The following ITGA2B variants were observed in gnomAD, a reference collection of about 807,000 sequenced individuals.
ITGA2B encodes the protein integrin subunit alpha 2b, also known as integrin alpha-IIb.
A neutral mutation model predicts 142.0 loss-of-function variants in ITGA2B; 91 were observed. The ratio of observed to expected loss-of-function variants is 0.64; its 90% CI spans 0.54 to 0.76. ITGA2B has a LOEUF of 0.76. ITGA2B is among the 30% of genes least tolerant of loss of function. The pLI is 0.00. For missense variants in ITGA2B, 1,231 were observed against 1,350.8 expected (o/e 0.91, Z 1.39); for synonymous variants, 536 against 567.2 (o/e 0.94, Z 0.78).
chr17:44,376,332 G>T lies in ITGA2B; in HGVS notation c.2324C>A (p.Ala775Glu). 1.9e-6 allele frequency: 3 copies of T among 1,614,188 alleles called. No individual in the cohort carries two copies. Among genetic ancestry groups the T allele is most frequent in the Non-Finnish European group, 1.7e-6 (2 of 1,180,042 alleles). ...CCCTCGCAGCTCCACTTGGGCCTCT[G>T]CCCGGACCGGCACGTCCAGCAGCAC... The part of the protein sequence containing the change: ...KIVLLDVPVR[A>E]EAQVELRGNS... The change falls in exon 23 of 30, where the codon GCA (alanine) becomes GAA (glutamate). Residue 775 changes from alanine to glutamate, a missense_variant. Ala to Glu is a moderately radical substitution (Grantham distance 107, BLOSUM62 -1). Transcript: ENST00000262407.
In ITGA2B at chr17:44,378,497, C is replaced by T. The variant is rs13306472; in HGVS notation, c.1959G>A (p.Pro653=). ...LQLTASVTGS[P]LLVGADNVLE... ...GGACATTATCTGCCCCAACTAGGAG[C>T]GGGGAGCCCGTCCTGTGGGGAAAGA... The change falls in exon 20 of 30, where the codon CCG becomes CCA. Residue 653 remains proline, a synonymous_variant. Coordinates refer to ENST00000262407, the MANE Select transcript of ITGA2B (RefSeq NM_000419.5). The T allele has an allele frequency of 2.4e-5, 39 of 1,613,566 alleles. No homozygotes were observed. The East Asian group carries it at 7.4e-4, about 30-fold the overall frequency.
rs1346781695 is a variant in ITGA2B at position 44,389,222 on chromosome 17, C to A, written c.188+64G>T. ...ATCGCAAATGGGAAACTCGAAGCCC[C>A]CAGAAGCAGTGATGGGGAGGGGTCC... On this transcript the variant is annotated intron_variant, in intron 1 of 29. Transcript: ENST00000262407. The A allele has an allele frequency of 8.9e-6, 14 of 1,572,362 alleles. No individual in the cohort carries two copies. The African/African-American group carries it at 1.6e-4, about 18-fold the overall frequency.
At chr17:44,375,322 C>T in intron 26 of ITGA2B, 1 of 643,778 alleles carries the variant, frequency 1.6e-6, no homozygotes, top group Non-Finnish European at 2.8e-6. Context: ...GGTCATCCCC[C>T]AGCGCACAAT....
chr17:44,385,207 G>C lies in ITGA2B; in HGVS notation c.627C>G (p.Ala209=), dbSNP rs753520317. The C allele has an allele frequency of 1.2e-6, 2 of 1,614,032 alleles. No individual in the cohort carries two copies. Among genetic ancestry groups the C allele is most frequent in the East Asian group, 2.2e-5 (1 of 44,876 alleles). ...EAGFSSVVTQ[A]GELVLGAPGG... is the part of the protein sequence containing the mutation. ...CAGGAGCCCCAAGCACCAGCTCTCC[G>C]GCCTGGAAGGGAAGTCCTGAGGGTG... is the stretch of plus-strand genomic sequence containing the variant. Residue 209 remains alanine (A), a splice_region_variant and synonymous_variant, in exon 6 of 30, where the codon GCC becomes GCG. Transcript: ENST00000262407.
intron 29 of ITGA2B, among the ~76,000 whole-genome samples, 177 bp from the exon 30 acceptor site, chr17:44,372,600 TGG>T (rs2048506913): frequency 6.6e-6 from 1 of 152,196 alleles, no homozygotes; most frequent in South Asian, 2.1e-4. Flanking sequence ...AACGAATTGT[TGG>T]GTTTTTGTTT....
rs2143417444 is a variant in ITGA2B, at chr17:44,372,391, CA to C, written c.3092del (p.Leu1031ArgfsTer?). 1.2e-6 allele frequency: 2 copies of C among 1,614,044 alleles called. No homozygotes were observed. The highest frequency in any genetic ancestry group is 2.2e-5 in the South Asian group (2 of 91,078). ...ACTCCCCCTCTTCATCATCTTCTTC[CA>C]GGGGTGGCCGGTTCCGCTTGAAGAA... ...VGFFKRNRPP[L>X]EEDDEEGE On this transcript the variant is annotated frameshift_variant, in exon 30 of 30. Transcript: ENST00000262407. LOFTEE classifies it high-confidence loss of function.
At chr17:44,383,974 C>T (rs369299604) in intron 10 of ITGA2B, 28 bp from the exon 11 acceptor site, 4 of 1,614,060 alleles carry the variant, frequency 2.5e-6, no homozygotes, top group Non-Finnish European at 2.5e-6. Flanking sequence ...CCATCATTCA[C>T]GCCGCTGGAC....
rs1459485874 is a variant in ITGA2B at position 44,374,337 on chromosome 17, C to T, written c.3060+17G>A. The T allele has an allele frequency of 6.8e-6, 11 of 1,609,028 alleles. 1 individual carries two copies. Among genetic ancestry groups the T allele is most frequent in the Middle Eastern group, 1.6e-4 (1 of 6,068 alleles). ...GCCTGTGCCCCGCTGGGGACTCCAC[C>T]GTCCTTCACACCTCACCTTCCACAT... On this transcript the variant is annotated intron_variant, in intron 29 of 29. Coordinates refer to ENST00000262407, the MANE Select transcript of ITGA2B (RefSeq NM_000419.5).
rs2048643952 is a variant in ITGA2B at position 44,385,857 on chromosome 17, C to T, written c.375G>A (p.Gly125=). 1 of 1,605,902 alleles carries T rather than the reference C, an allele frequency of 6.2e-7. No homozygotes were observed. The highest frequency in any genetic ancestry group is 8.5e-7 in the Non-Finnish European group (1 of 1,175,760). The change falls in exon 3 of 30, where the codon GGG becomes GGA. Residue 125 remains glycine, a synonymous_variant. Coordinates refer to ENST00000262407, the MANE Select transcript of ITGA2B (RefSeq NM_000419.5). ...CGTCGCTCCAGCTGACGACCGACGC[C>T]CCCAGTCCTTGGCGGGCCTTGAAGG... is the stretch of plus-strand genomic sequence containing the variant. The part of the protein sequence containing the change: ...LQTFKARQGL[G]ASVVSWSDVI...
Position 44,385,908 on chromosome 17 carries a change from T to G in ITGA2B, c.324A>C (p.Arg108=), listed in dbSNP as rs1247859694. 1 of 1,612,752 alleles carries G rather than the reference T, an allele frequency of 6.2e-7. No homozygotes were observed. Among genetic ancestry groups the G allele is most frequent in the Non-Finnish European group, 8.5e-7 (1 of 1,179,420 alleles). ...TTTGTAAAGTTTGGGAGCCTACATT[T>G]CGGGTCTCATCACCTGGAAGGCACA... ...SLLFDLRDET[R]NVGSQTLQTF... The change falls in exon 3 of 30, where the codon CGA becomes CGC. Residue 108 remains arginine (R), a synonymous_variant. Coordinates refer to ENST00000262407, the MANE Select transcript of ITGA2B (RefSeq NM_000419.5).
intron 9 of ITGA2B, 55 bp downstream of exon 9, chr17:44,384,256 C>T (rs973764301): frequency 4.1e-5 from 66 of 1,606,156 alleles, no homozygotes; most frequent in Middle Eastern, 1.7e-4. Flanking sequence ...CAGGAGTTGT[C>T]AGCCTGAGAA....
rs185724507 is a variant in ITGA2B at position 44,386,203 on chromosome 17, C to T, written c.189-72G>A. The T allele has an allele frequency of 1.0e-4, 160 of 1,537,422 alleles. No individual in the cohort carries two copies. In the East Asian group the frequency reaches 3.6e-3, roughly 35 times the overall value. On this transcript the variant is annotated intron_variant, in intron 1 of 29. Coordinates refer to ENST00000262407, the MANE Select transcript of ITGA2B (RefSeq NM_000419.5). ...CAGGCCCTGGCGCCGGCGCTGGGAG[C>T]ACTGCCCGGAAGGCCATGTGGCATG...
At chr17:44,384,875 C>T in intron 7 of ITGA2B, 73 bp downstream of exon 7, 2 of 1,608,318 alleles carry the variant, frequency 1.2e-6, no homozygotes, top group South Asian at 1.1e-5. Context: ...GAGGCTCCCA[C>T]AGGGGCAGGA....
chr17:44,374,900 C>T, intron 27 of ITGA2B, 98 bp downstream of exon 27: 2 of 1,280,552 alleles, frequency 1.6e-6, no homozygotes, highest in Non-Finnish European at 2.2e-6. Flanking sequence ...CCTTGCCTTC[C>T]CTCTCTTCCT....
rs1230793133 is a variant in ITGA2B at position 44,376,296 on chromosome 17, CT to C, written c.2348+11del. On this transcript the variant is annotated intron_variant, in intron 23 of 29. Coordinates refer to ENST00000262407, the MANE Select transcript of ITGA2B (RefSeq NM_000419.5). ...TGAATGCCATCTCCCTTCTCCACCC[CT>C]GGCCTCTCACCCTCGCAGCTCCACT... 2 of 1,614,050 alleles carry C rather than the reference CT, an allele frequency of 1.2e-6. No homozygotes were observed. Among genetic ancestry groups the C allele is most frequent in the African/African-American group, 1.3e-5 (1 of 74,920 alleles).
intron 12 of ITGA2B, 116 bp from the exon 13 acceptor site, chr17:44,381,177 G>T: frequency 9.8e-7 from 1 of 1,022,638 alleles, no homozygotes; most frequent in Non-Finnish European, 1.4e-6. Flanking sequence ...GGGGTGCAAA[G>T]TGTGGGTGAA....
In ITGA2B at chr17:44,384,559, C is replaced by T; in HGVS notation, c.826G>A (p.Asp276Asn). ...TTGCCTGTAGTGTTGAGATCCCCGT[C>T]GAACTCGCCCACGGCCACCGAGTAC... is the stretch of plus-strand genomic sequence containing the variant. ...WGYSVAVGEF[D>N]GDLNTTEYVV... The change falls in exon 8 of 30, where the codon GAC (aspartate) becomes AAC (asparagine). Residue 276 changes from aspartate to asparagine, a missense_variant. By Grantham distance (23) the Asp-to-Asn change is conservative. This residue lies in a region of ITGA2B where 908 missense variants were observed against 1,021.1 expected (regional missense o/e 0.89). Transcript: ENST00000262407. The T allele has an allele frequency of 1.2e-6, 2 of 1,614,062 alleles. No individual in the cohort carries two copies. Among genetic ancestry groups the T allele is most frequent in the Non-Finnish European group, 1.7e-6 (2 of 1,180,028 alleles).
Position 44,389,611 on chromosome 17 carries a change from T to C in ITGA2B, c.-138A>G. On this transcript the variant is annotated 5_prime_UTR_variant, in exon 1 of 30. Transcript: ENST00000262407. ...GAGCAACGGGCAGAGCAAAGGGCTA[T>C]AGCCCCTGGACTCATGGTGGCTAGA... The C allele has an allele frequency of 1.0e-6, 1 of 961,258 alleles. No individual in the cohort carries two copies. Among genetic ancestry groups the C allele is most frequent in the Non-Finnish European group, 1.6e-6 (1 of 634,318 alleles). 59.5% of individuals were successfully genotyped at this position (961,258 alleles called of 1,614,324 possible).
At chr17:44,387,506 A>G (rs1385675404) in intron 1 of ITGA2B, among the ~76,000 whole-genome samples, 1 of 151,332 alleles carries the variant, frequency 6.6e-6, no homozygotes, top group African/African-American at 2.4e-5. Context: ...CTGGGCAACG[A>G]GAGCGAAACT....
Sources: allele counts gnomAD v4.1 joint callset (sites outside exome capture counted in the v4.1 genomes callset), GRCh38; gene constraint gnomAD v4.1.1; regional missense constraint gnomAD v4.1.1; transcripts MANE v1.5; gene names NCBI Gene and HGNC (gene_info 2026-07-23, HGNC 2026-07-21).